TRIM24: variants seen among roughly 807,000 people sequenced by gnomAD.
TRIM24 encodes transcription intermediary factor 1-alpha.
In TRIM24, 29 loss-of-function variants were observed where a neutral mutation model predicts 123.9. That is an observed-to-expected ratio of 0.23 (90% CI 0.17 to 0.32). The LOEUF is 0.32. TRIM24 is among the 10% of genes least tolerant of loss of function. The pLI is 1.00. For missense variants in TRIM24, 932 were observed against 1,295.3 expected (o/e 0.72, Z 4.31); for synonymous variants, 456 against 461.1 (o/e 0.99, Z 0.14).
Position 138,460,902 on chromosome 7 carries a change from C to A in TRIM24, c.354C>A (p.Phe118Leu). Residue 118 changes from phenylalanine to leucine, a missense_variant, in exon 1 of 19, where the codon TTC becomes TTA. Phe to Leu is a conservative substitution (Grantham distance 22). This residue lies in a region of TRIM24 where 164 missense variants were observed against 181.9 expected (regional missense o/e 0.90). Transcript: ENST00000343526. ...CGCCGGTCAGCGGCTCGTCGCCGTT[C>A]GCCACCCAAGGTGAGAACCGGCCGC... ...PGSPVSGSSP[F>L]ATQVGVIRCP... is the part of the protein sequence containing the mutation. The A allele has an allele frequency of 6.6e-7, 1 of 1,504,196 alleles. No homozygotes were observed. The highest frequency in any genetic ancestry group is 8.8e-7 in the Non-Finnish European group (1 of 1,135,090). 93.2% of individuals were successfully genotyped at this position (1,504,196 alleles called of 1,614,324 possible). A position where few individuals can be genotyped will look rare whatever the true frequency, so the allele number is the denominator to read the frequency against.
In TRIM24 at chr7:138,587,844, C is replaced by G. The variant is rs1460368670; in HGVS notation, c.*2893C>G. The G allele has an allele frequency of 6.6e-6, 1 of 152,068 alleles. No homozygotes were observed. The highest frequency in any genetic ancestry group is 2.4e-5 in the African/African-American group (1 of 41,402). 9.4% of individuals were successfully genotyped at this position (152,068 alleles called of 1,614,324 possible). A position where few individuals can be genotyped will look rare whatever the true frequency, so the allele number is the denominator to read the frequency against. ...TGACCAGTGATATATATGGCCATGG[C>G]AAAAGTATAAATGGATGGATGTAGA... On this transcript the variant is annotated 3_prime_UTR_variant, in exon 19 of 19. Transcript: ENST00000343526.
intron 4 of TRIM24, among the ~76,000 whole-genome samples, chr7:138,523,076 T>G (rs955943412): frequency 3.3e-5 from 5 of 152,042 alleles, no homozygotes; most frequent in Non-Finnish European, 7.4e-5. Context: ...AGTAAGTGGG[T>G]TTTAAAAGAA....
intron 6 of TRIM24, among the ~76,000 whole-genome samples, chr7:138,535,299 T>G (rs1796844475): frequency 6.6e-6 from 1 of 152,232 alleles, no homozygotes. Context: ...TGATGCAGTT[T>G]CTTCCTAGCA....
At chr7:138,522,971 A>G (rs1796534388) in intron 4 of TRIM24, among the ~76,000 whole-genome samples, 2 of 152,172 alleles carry the variant, frequency 1.3e-5, no homozygotes, top group Non-Finnish European at 2.9e-5. Flanking sequence ...TTGGAGGACA[A>G]TTTATATTAT....
At chr7:138,483,889 C>T (rs780978702) in intron 1 of TRIM24, among the ~76,000 whole-genome samples, 3 of 152,078 alleles carry the variant, frequency 2.0e-5, no homozygotes, top group Admixed American at 1.3e-4. Flanking sequence ...GAAATTGTGC[C>T]TGGTCGCTTT....
At chr7:138,537,380 T>G (rs901698317) in intron 6 of TRIM24, among the ~76,000 whole-genome samples, 6 of 46,476 alleles carry the variant, frequency 1.3e-4, no homozygotes, top group South Asian at 1.4e-3. Flanking sequence ...CCCCTGTTTG[T>G]TTTTTTTTTT....
intron 2 of TRIM24, among the ~76,000 whole-genome samples, chr7:138,505,840 A>G (rs1308267653): frequency 6.6e-6 from 1 of 152,208 alleles, no homozygotes; most frequent in East Asian, 1.9e-4. Context: ...CAAATCTATC[A>G]TGCATAATCT....
At chr7:138,509,986 G>C (rs932130813) in intron 2 of TRIM24, among the ~76,000 whole-genome samples, 1 of 152,200 alleles carries the variant, frequency 6.6e-6, no homozygotes, top group African/African-American at 2.4e-5. Context: ...AGAAGTAGTG[G>C]TGCTGGCATC....
At chr7:138,497,393 C>CT (rs869232002) in intron 1 of TRIM24, among the ~76,000 whole-genome samples, 5,260 of 88,214 alleles carry the variant, frequency 0.06, 224 homozygotes, top group African/African-American at 0.091. Context: ...ATTACAATTT[C>CT]TTTTTTTTTT....
At chr7:138,560,407 C>A (rs927688248) in intron 9 of TRIM24, among the ~76,000 whole-genome samples, 1 of 152,194 alleles carries the variant, frequency 6.6e-6, no homozygotes, top group Non-Finnish European at 1.5e-5. Flanking sequence ...AAAGTCTCGA[C>A]CCATCCTGAA....
chr7:138,543,405 T>C (rs760976498), intron 7 of TRIM24, among the ~76,000 whole-genome samples: 1 of 152,206 alleles, frequency 6.6e-6, no homozygotes, highest in Admixed American at 6.5e-5. Context: ...CTGAGGTTCA[T>C]GATTATTTTT....
chr7:138,508,962 A>G (rs1404455101), intron 2 of TRIM24, among the ~76,000 whole-genome samples: 1 of 151,744 alleles, frequency 6.6e-6, no homozygotes, highest in Non-Finnish European at 1.5e-5. Context: ...TTATTTATTT[A>G]TTTAGAGACA....
chr7:138,505,789 C>G (rs1365383300), intron 2 of TRIM24, among the ~76,000 whole-genome samples: 1 of 152,150 alleles, frequency 6.6e-6, no homozygotes, highest in Non-Finnish European at 1.5e-5. Flanking sequence ...TTCTATAACC[C>G]ACATGTAGAA....
intron 17 of TRIM24, among the ~76,000 whole-genome samples, chr7:138,582,278 C>A (rs538924627): frequency 6.6e-6 from 1 of 152,274 alleles, no homozygotes; most frequent in South Asian, 2.1e-4. Flanking sequence ...CGCGGTGGCT[C>A]ACGCCTATAA....
chr7:138,528,126 G>A (rs1373208850), intron 5 of TRIM24, among the ~76,000 whole-genome samples: 1 of 152,104 alleles, frequency 6.6e-6, no homozygotes, highest in Non-Finnish European at 1.5e-5. Context: ...TTGCTCTAGT[G>A]CCTTGTGCTG....
intron 7 of TRIM24, among the ~76,000 whole-genome samples, chr7:138,541,322 A>G (rs2116613458): frequency 6.6e-6 from 1 of 152,204 alleles, no homozygotes; most frequent in Non-Finnish European, 1.5e-5. Flanking sequence ...AATCAGAATT[A>G]CTTCTTGATT....
chr7:138,528,997 A>C (rs1554439573), intron 5 of TRIM24, 119 bp from the exon 6 acceptor site: 3 of 462,466 alleles, frequency 6.5e-6, no homozygotes, highest in Non-Finnish European at 1.2e-5. Flanking sequence ...AAAGTGAAGG[A>C]CTCAGAAATA....
intron 4 of TRIM24, among the ~76,000 whole-genome samples, chr7:138,519,714 A>G (rs1386931113): frequency 1.3e-5 from 2 of 152,336 alleles, no homozygotes; most frequent in Middle Eastern, 3.4e-3. Context: ...CCAGCATTGT[A>G]AAATGGGGAG....
At position 138,577,584 on chromosome 7, in the gene TRIM24, A is replaced by C. The variant is rs1563067165; in HGVS notation, c.2252A>C (p.Gln751Pro). 6 of 1,601,074 alleles carry C rather than the reference A, an allele frequency of 3.7e-6. No homozygotes were observed. Among genetic ancestry groups the C allele is most frequent in the Non-Finnish European group, 5.1e-6 (6 of 1,174,464 alleles). The stretch of plus-strand genomic sequence containing the variant: ...GAATCAGATGAAGAATCTAGGCCTC[A>C]AAATGTAATTATGAATGCTTGCAAT... ...KQESDEESRP[Q>P]NANYPRSILT... The change falls in exon 14 of 19, where the codon CAA becomes CCA. Residue 751 changes from glutamine to proline, a missense_variant. Gln to Pro is a moderately conservative substitution (Grantham distance 76). This residue lies in a region of TRIM24 where 527 missense variants were observed against 691.3 expected (regional missense o/e 0.76). Transcript: ENST00000343526.
Sources: gnomAD v4.1 joint callset for allele counts (sites outside exome capture counted in the v4.1 genomes callset) on GRCh38, gnomAD v4.1.1 for gene constraint, gnomAD v4.1.1 regional missense constraint, MANE v1.5 for transcripts, NCBI Gene and HGNC (gene_info 2026-07-23, HGNC 2026-07-21) for gene names.